EML4: variants seen among roughly 807,000 people sequenced by gnomAD.
The protein encoded by EML4 is EMAP like 4, also known as echinoderm microtubule-associated protein-like 4.
In EML4, 72 loss-of-function variants were observed where a neutral mutation model predicts 129.0. That is an observed-to-expected ratio of 0.56 (90% CI 0.46 to 0.68). The LOEUF (loss-of-function observed/expected upper bound fraction) is 0.68. EML4 is among the 30% of genes least tolerant of loss of function. The pLI, the probability that EML4 is intolerant of heterozygous loss-of-function variation, is 0.00. For synonymous variants in EML4, 532 were observed against 405.0 expected (o/e 1.31, Z -3.77); for missense variants, 1,363 against 1,190.6 (o/e 1.14, Z -2.13).
At position 42,294,928 on chromosome 2, in the gene EML4, T is replaced by TA. The variant is rs199736999; in HGVS notation, c.1219-196dup. On this transcript the variant is annotated intron_variant, in intron 11 of 22. Coordinates refer to ENST00000318522, the MANE Select transcript of EML4 (RefSeq NM_019063.5). ...TTTTTATAAATAGCATAAAAGGTGA[T>TA]ACGATAATACAAGGACATCAAATTT... Among the ~76,000 whole-genome samples the TA allele has an allele frequency of 1.0e-3, 155 of 152,310 alleles. 2 individuals carry two copies. The East Asian group carries it at 0.025, about 25-fold the overall frequency.
chr2:42,193,933 C>G (rs1468499925), intron 1 of EML4, among the ~76,000 whole-genome samples: 1 of 152,198 alleles, frequency 6.6e-6, no homozygotes, highest in Non-Finnish European at 1.5e-5. Context: ...GATCCTCTCC[C>G]TTTGGCCTCC....
At chr2:42,183,120 G>A (rs1671045011) in intron 1 of EML4, among the ~76,000 whole-genome samples, 1 of 152,136 alleles carries the variant, frequency 6.6e-6, no homozygotes, top group Admixed American at 6.5e-5. Context: ...GCACCACTGA[G>A]CTCCAACCTG....
intron 1 of EML4, among the ~76,000 whole-genome samples, chr2:42,205,768 T>A (rs1437553954): frequency 1.3e-5 from 2 of 152,250 alleles, no homozygotes; most frequent in African/African-American, 4.8e-5. Context: ...AAATCCTATT[T>A]TCTTTGGGTT....
At chr2:42,222,768 G>C (rs925735152) in intron 1 of EML4, among the ~76,000 whole-genome samples, 28 of 151,246 alleles carry the variant, frequency 1.9e-4, no homozygotes, top group African/African-American at 6.8e-4. Flanking sequence ...TTGATATATA[G>C]AAATATAACG....
At chr2:42,174,444 C>A (rs1355026318) in intron 1 of EML4, among the ~76,000 whole-genome samples, 1 of 152,046 alleles carries the variant, frequency 6.6e-6, no homozygotes, top group Non-Finnish European at 1.5e-5. Context: ...TTGTGTACCA[C>A]CACACCTGGC....
chr2:42,177,048 C>T (rs1379137519), intron 1 of EML4, among the ~76,000 whole-genome samples: 1 of 152,160 alleles, frequency 6.6e-6, no homozygotes, highest in East Asian at 1.9e-4. Flanking sequence ...CCGCTGAGGC[C>T]TCCCAGAGTG....
rs551819553 is a variant in EML4, at chr2:42,329,823, A to G, written c.2562A>G (p.Gly854=). 58 of 1,614,134 alleles carry G rather than the reference A, an allele frequency of 3.6e-5. No individual in the cohort carries two copies. The East Asian group carries it at 1.2e-3, about 33-fold the overall frequency. The change falls in exon 23 of 23, where the codon GGA becomes GGG. Residue 854 remains glycine (G), a synonymous_variant. Transcript: ENST00000318522. ...ACAGTCACCTGATATCAACTGGTGGAAAAGACATGAGCATCATTCAGTGGA... is the reference window on the plus strand; with the variant it reads ...ACAGTCACCTGATATCAACTGGTGGGAAAGACATGAGCATCATTCAGTGGA... ...HNDSHLISTG[G]KDMSIIQWKL...
At chr2:42,309,828 T>A (rs1668833831) in intron 17 of EML4, among the ~76,000 whole-genome samples, 1 of 152,230 alleles carries the variant, frequency 6.6e-6, no homozygotes, top group South Asian at 2.1e-4. Flanking sequence ...CTGAGGGTGG[T>A]CTTTTCACTT....
At chr2:42,273,051 A>G (rs1176736184) in intron 6 of EML4, among the ~76,000 whole-genome samples, 2 of 152,190 alleles carry the variant, frequency 1.3e-5, no homozygotes, top group Non-Finnish European at 2.9e-5. Context: ...AAGCAGAGCC[A>G]GGGTGTTAAA....
intron 1 of EML4, among the ~76,000 whole-genome samples, chr2:42,238,612 AT>A (rs1674828827): frequency 4.1e-5 from 5 of 120,938 alleles, no homozygotes; most frequent in African/African-American, 1.7e-4. Flanking sequence ...TTTTGTTTTT[AT>A]TTTTTTATTT....
chr2:42,216,739 T>C (rs960698631), intron 1 of EML4, among the ~76,000 whole-genome samples: 1 of 152,258 alleles, frequency 6.6e-6, no homozygotes, highest in South Asian at 2.1e-4. Context: ...TTTCACTGAA[T>C]GGCTGGACTG....
rs1463162386 is a variant in EML4, at chr2:42,331,110, C to G, written c.*903C>G. On this transcript the variant is annotated 3_prime_UTR_variant, in exon 23 of 23. Transcript: ENST00000318522. ...CTAAGCCTTCATCATAATTTGTTCC[C>G]TCAGTAATAGGAGAAATATAAATAC... The G allele has an allele frequency of 9.2e-6, 2 of 217,684 alleles. No homozygotes were observed. The highest frequency in any genetic ancestry group is 1.8e-5 in the Non-Finnish European group (2 of 108,154). The allele number at this position is 217,684 out of a possible 1,614,324, so 13.5% of individuals were successfully genotyped here. A position where few individuals can be genotyped will look rare whatever the true frequency, so the allele number is the denominator to read the frequency against.
At chr2:42,258,203 T>G (rs1665470734) in intron 3 of EML4, among the ~76,000 whole-genome samples, 1 of 152,100 alleles carries the variant, frequency 6.6e-6, no homozygotes, top group African/African-American at 2.4e-5. Context: ...AATGGCTCTT[T>G]TAGGTTGTAC....
At chr2:42,182,778 C>T (rs1425418447) in intron 1 of EML4, among the ~76,000 whole-genome samples, 1 of 152,142 alleles carries the variant, frequency 6.6e-6, no homozygotes, top group Non-Finnish European at 1.5e-5. Flanking sequence ...TCTCACAGTT[C>T]TGGAAGCTAG....
chr2:42,313,218 A>C (rs1669059279), intron 17 of EML4, among the ~76,000 whole-genome samples: 1 of 151,764 alleles, frequency 6.6e-6, no homozygotes, highest in Non-Finnish European at 1.5e-5. Context: ...GGCCTCCCAA[A>C]GTGCTGGGAT....
At chr2:42,303,269 A>C in intron 15 of EML4, 40 bp downstream of exon 15, 1 of 1,613,886 alleles carries the variant, frequency 6.2e-7, no homozygotes, top group Non-Finnish European at 8.5e-7. Context: ...AATATTTTTT[A>C]TGATATTCTT....
intron 6 of EML4, among the ~76,000 whole-genome samples, chr2:42,267,779 A>T (rs1366142591): frequency 6.6e-6 from 1 of 152,198 alleles, no homozygotes; most frequent in Non-Finnish European, 1.5e-5. Context: ...CTATATGTTT[A>T]TACCCTGAAA....
At chr2:42,233,048 C>A (rs1055947378) in intron 1 of EML4, among the ~76,000 whole-genome samples, 5 of 151,960 alleles carry the variant, frequency 3.3e-5, no homozygotes, top group African/African-American at 9.7e-5. Context: ...AAGTATTAAT[C>A]TGGATCATTT....
chr2:42,267,431 T>C (rs1346892158), intron 6 of EML4, among the ~76,000 whole-genome samples: 1 of 152,232 alleles, frequency 6.6e-6, no homozygotes, highest in Non-Finnish European at 1.5e-5. Context: ...TTTGACATTC[T>C]TTTTAAAATA....
Sources: gnomAD v4.1 joint callset for allele counts (sites outside exome capture counted in the v4.1 genomes callset) on GRCh38, gnomAD v4.1.1 for gene constraint, MANE v1.5 for transcripts, NCBI Gene and HGNC (gene_info 2026-07-23, HGNC 2026-07-21) for gene names.